Variants in DIAPH3 observed in about 807,000 individuals in gnomAD.
DIAPH3 encodes diaphanous related formin 3, also known as protein diaphanous homolog 3.
In DIAPH3, 117 loss-of-function variants were observed where a neutral mutation model predicts 144.3. That is an observed-to-expected ratio of 0.81 (90% CI 0.70 to 0.95). The LOEUF (loss-of-function observed/expected upper bound fraction) is 0.95, where lower values mean the gene tolerates loss of function less well. DIAPH3 is among the 40% of genes least tolerant of loss of function. The pLI, the probability that DIAPH3 is intolerant of heterozygous loss-of-function variation, is 0.00. For missense variants in DIAPH3, 1,421 were observed against 1,412.7 expected (o/e 1.01, Z -0.09); for synonymous variants, 519 against 488.9 (o/e 1.06, Z -0.81).
chr13:59,745,834 T>A (rs1167682140), intron 27 of DIAPH3, among the ~76,000 whole-genome samples: 3 of 152,210 alleles, frequency 2.0e-5, no homozygotes, highest in Non-Finnish European at 4.4e-5. Flanking sequence ...CAAAGAAATA[T>A]TCTAATAGTT....
chr13:60,051,589 C>T (rs1226689973), intron 4 of DIAPH3, among the ~76,000 whole-genome samples: 1 of 152,014 alleles, frequency 6.6e-6, no homozygotes, highest in Non-Finnish European at 1.5e-5. Flanking sequence ...CATTGCACTC[C>T]AGCCTGGGCA....
At chr13:59,908,428 T>C (rs2046842627) in intron 20 of DIAPH3, among the ~76,000 whole-genome samples, 1 of 148,404 alleles carries the variant, frequency 6.7e-6, no homozygotes, top group African/African-American at 2.5e-5. Flanking sequence ...CTATTTCTGA[T>C]ATATGCTAAT....
At chr13:59,999,574 T>C (rs2052404894) in intron 9 of DIAPH3, among the ~76,000 whole-genome samples, 1 of 152,272 alleles carries the variant, frequency 6.6e-6, no homozygotes, top group East Asian at 1.9e-4. Flanking sequence ...GCATTTGAAT[T>C]GAAGTCACAG....
At chr13:60,064,323 A>G (rs118073768) in intron 4 of DIAPH3, among the ~76,000 whole-genome samples, 2 of 152,370 alleles carry the variant, frequency 1.3e-5, no homozygotes, top group East Asian at 3.9e-4. Flanking sequence ...TTTTTCAAAT[A>G]TAAGGCTTTT....
chr13:59,789,026 C>T (rs2039187519), intron 25 of DIAPH3, among the ~76,000 whole-genome samples: 1 of 152,182 alleles, frequency 6.6e-6, no homozygotes, highest in Non-Finnish European at 1.5e-5. Flanking sequence ...TAGAAACTGG[C>T]ATTGACTCCC....
At chr13:59,810,542 G>A (rs146922580) in intron 25 of DIAPH3, among the ~76,000 whole-genome samples, 54 of 152,244 alleles carry the variant, frequency 3.5e-4, no homozygotes, top group Non-Finnish European at 6.2e-4. Context: ...ACGTGAATAC[G>A]CTGGAACGAA....
Position 60,060,173 on chromosome 13 carries a change from CAT to C in DIAPH3, c.496-17355_496-17354del, listed in dbSNP as rs565947226. 1.5e-3 allele frequency among the ~76,000 whole-genome samples: 233 copies of C among 152,086 alleles called. 1 individual carries two copies. Among genetic ancestry groups the C allele is most frequent in the African/African-American group, 5.4e-3 (223 of 41,510 alleles). The stretch of plus-strand genomic sequence containing the variant: ...TTTATATTAGTAAAAAGCTCAAAAA[CAT>C]AAACAGAACAAAATCTAATTCACTT... On this transcript the variant is annotated intron_variant, in intron 4 of 27. Coordinates refer to ENST00000400324, the MANE Select transcript of DIAPH3 (RefSeq NM_001042517.2).
chr13:60,015,126 G>A (rs1359199888), intron 7 of DIAPH3, among the ~76,000 whole-genome samples: 1 of 152,102 alleles, frequency 6.6e-6, no homozygotes, highest in Non-Finnish European at 1.5e-5. Context: ...CTCCTGAGTA[G>A]CTGGGACTGC....
At chr13:59,969,367 A>G (rs1157000907) in intron 17 of DIAPH3, among the ~76,000 whole-genome samples, 1 of 152,214 alleles carries the variant, frequency 6.6e-6, no homozygotes, top group Non-Finnish European at 1.5e-5. Flanking sequence ...AATTAATTAA[A>G]TTATGTGATA....
chr13:60,026,387 G>A (rs1343516410), intron 5 of DIAPH3, among the ~76,000 whole-genome samples: 1 of 152,098 alleles, frequency 6.6e-6, no homozygotes, highest in African/African-American at 2.4e-5. Context: ...ATATTAAAGG[G>A]AAATCGTAGT....
chr13:59,788,570 T>C (rs746771118), intron 25 of DIAPH3, among the ~76,000 whole-genome samples: 14 of 152,220 alleles, frequency 9.2e-5, no homozygotes, highest in Admixed American at 4.6e-4. Flanking sequence ...TAAAAGGGTG[T>C]CTGTTATATT....
intron 27 of DIAPH3, among the ~76,000 whole-genome samples, chr13:59,735,327 A>C (rs955404637): frequency 4.6e-5 from 7 of 152,214 alleles, no homozygotes; most frequent in Non-Finnish European, 2.9e-5. Context: ...GGTCATTTGA[A>C]GGAAAAGAAA....
At chr13:59,717,343 T>C (rs1004820055) in intron 27 of DIAPH3, among the ~76,000 whole-genome samples, 2 of 152,244 alleles carry the variant, frequency 1.3e-5, no homozygotes, top group African/African-American at 4.8e-5. Flanking sequence ...AGGGGCCTAC[T>C]TGACAGTGTG....
At chr13:59,698,958 G>A (rs1396626773) in intron 27 of DIAPH3, among the ~76,000 whole-genome samples, 1 of 152,182 alleles carries the variant, frequency 6.6e-6, no homozygotes, top group Non-Finnish European at 1.5e-5. Flanking sequence ...TAAAATATTA[G>A]TGATTGCAAA....
At chr13:59,694,661 T>A (rs2033705360) in intron 27 of DIAPH3, among the ~76,000 whole-genome samples, 1 of 152,184 alleles carries the variant, frequency 6.6e-6, no homozygotes, top group Non-Finnish European at 1.5e-5. Context: ...AGTGAACATA[T>A]GACTTTAGTA....
intron 20 of DIAPH3, among the ~76,000 whole-genome samples, chr13:59,901,954 C>T (rs994902703): frequency 3.3e-5 from 5 of 152,124 alleles, no homozygotes; most frequent in Admixed American, 6.5e-5. Flanking sequence ...CTCAGCCACC[C>T]GAATCATCTA....
chr13:59,780,689 C>T lies in DIAPH3; in HGVS notation c.3164-5866G>A, dbSNP rs113605343. Reference sequence around the variant, plus strand: ...AGTGGAATCAATAGGTCTTAGGAACCGAAAGAAGGCGGAACTGCTAAGGAC... The same window carrying T: ...AGTGGAATCAATAGGTCTTAGGAACTGAAAGAAGGCGGAACTGCTAAGGAC... On this transcript the variant is annotated intron_variant, in intron 25 of 27. Coordinates refer to ENST00000400324, the MANE Select transcript of DIAPH3 (RefSeq NM_001042517.2). 8.7e-3 allele frequency among the ~76,000 whole-genome samples: 1,321 copies of T among 152,130 alleles called. 32 individuals are homozygous for T. The highest frequency in any genetic ancestry group is 0.03 in the African/African-American group (1,249 of 41,498).
chr13:59,747,746 T>C (rs2036779506), intron 27 of DIAPH3, among the ~76,000 whole-genome samples: 1 of 152,224 alleles, frequency 6.6e-6, no homozygotes, highest in South Asian at 2.1e-4. Flanking sequence ...GAATGACATC[T>C]ATGACTGCAT....
intron 27 of DIAPH3, among the ~76,000 whole-genome samples, chr13:59,676,734 T>C (rs1421702908): frequency 6.6e-6 from 1 of 152,202 alleles, no homozygotes; most frequent in East Asian, 1.9e-4. Flanking sequence ...TATATGTTCA[T>C]AGACTCCTAA....
Sources: gnomAD v4.1 joint callset for allele counts (sites outside exome capture counted in the v4.1 genomes callset) on GRCh38, gnomAD v4.1.1 for gene constraint, MANE v1.5 for transcripts, NCBI Gene and HGNC (gene_info 2026-07-23, HGNC 2026-07-21) for gene names.